FAM227B: variants seen among roughly 807,000 people sequenced by gnomAD.
FAM227B encodes the protein family with sequence similarity 227 member B.
Under a neutral mutation model 73.8 loss-of-function variants are expected in FAM227B, and 88 were observed. The observed-to-expected ratio is 1.19, with a 90% confidence interval of 1.00 to 1.42. The LOEUF is 1.42. Among genes scored for constraint, FAM227B ranks in the 40% most tolerant of loss-of-function variants. The probability of loss-of-function intolerance (pLI) is 0.00; values close to 1 mark genes in which losing one functional copy is unlikely to be tolerated. For missense variants in FAM227B, 632 were observed against 590.9 expected, an observed-to-expected ratio of 1.07 and a Z score of -0.72; for synonymous variants, 210 against 190.5, an observed-to-expected ratio of 1.10 and a Z score of -0.84.
At chr15:49,598,524 T>C (rs2077011345) in intron 3 of FAM227B, among the ~76,000 whole-genome samples, 1 of 152,022 alleles carries the variant, frequency 6.6e-6, no homozygotes, top group Admixed American at 6.6e-5. Context: ...TTGTGTTGTT[T>C]CTGTTCTTAG....
intron 11 of FAM227B, among the ~76,000 whole-genome samples, chr15:49,401,197 A>C (rs1174176057): frequency 6.6e-6 from 1 of 152,270 alleles, no homozygotes; most frequent in African/African-American, 2.4e-5. Context: ...GAAGGACATG[A>C]ACAGACACTT....
At chr15:49,565,600 T>A (rs1479159777) in intron 9 of FAM227B, among the ~76,000 whole-genome samples, 1 of 152,134 alleles carries the variant, frequency 6.6e-6, no homozygotes, top group Non-Finnish European at 1.5e-5. Context: ...CTTTGTAAAA[T>A]TTTAGAATTA....
chr15:49,520,649 GC>G (rs1418119807), intron 10 of FAM227B, among the ~76,000 whole-genome samples: 2 of 152,148 alleles, frequency 1.3e-5, no homozygotes, highest in African/African-American at 2.4e-5. Context: ...GCATGTGCAG[GC>G]GGAGCTGCCC....
intron 5 of FAM227B, among the ~76,000 whole-genome samples, chr15:49,587,203 C>T (rs2076219219): frequency 6.6e-6 from 1 of 152,092 alleles, no homozygotes; most frequent in African/African-American, 2.4e-5. Context: ...AGCTGGAGGC[C>T]ATTATCCTTA....
At chr15:49,616,444 G>A (rs2078292811) in intron 1 of FAM227B, among the ~76,000 whole-genome samples, 1 of 152,120 alleles carries the variant, frequency 6.6e-6, no homozygotes, top group Non-Finnish European at 1.5e-5. Context: ...AGGAGAAAGA[G>A]TGATTTTTTT....
chr15:49,365,874 C>T, intron 13 of FAM227B: 1 of 933,386 alleles, frequency 1.1e-6, no homozygotes, highest in East Asian at 2.4e-5. Context: ...CATATGGCAT[C>T]TTATGAATTA....
At chr15:49,355,539 A>T in intron 13 of FAM227B, among the ~76,000 whole-genome samples, 1 of 152,162 alleles carries the variant, frequency 6.6e-6, no homozygotes, top group Non-Finnish European at 1.5e-5. Context: ...AAGTTTAGAG[A>T]AAAAAGAATA....
At chr15:49,355,531 G>A (rs997936392) in intron 13 of FAM227B, among the ~76,000 whole-genome samples, 2 of 152,216 alleles carry the variant, frequency 1.3e-5, no homozygotes, top group South Asian at 2.1e-4. Flanking sequence ...AAGAAGGGAA[G>A]TTTAGAGAAA....
chr15:49,614,515 C>T (rs1244987829), intron 2 of FAM227B, among the ~76,000 whole-genome samples: 1 of 152,114 alleles, frequency 6.6e-6, no homozygotes, highest in Non-Finnish European at 1.5e-5. Context: ...AAGTTGTAAA[C>T]CCATGAAGCT....
intron 11 of FAM227B, among the ~76,000 whole-genome samples, chr15:49,472,770 C>T (rs573373157): frequency 1.3e-5 from 2 of 152,076 alleles, no homozygotes; most frequent in Admixed American, 6.5e-5. Flanking sequence ...AGAATCAAAA[C>T]GTGTAACTTC....
At chr15:49,542,205 T>C (rs2071166690) in intron 9 of FAM227B, among the ~76,000 whole-genome samples, 1 of 152,238 alleles carries the variant, frequency 6.6e-6, no homozygotes, top group Non-Finnish European at 1.5e-5. Context: ...TAAGAAGGTT[T>C]TGTGAACAGA....
At chr15:49,460,901 T>C (rs1278553690) in intron 11 of FAM227B, among the ~76,000 whole-genome samples, 1 of 152,220 alleles carries the variant, frequency 6.6e-6, no homozygotes, top group Non-Finnish European at 1.5e-5. Flanking sequence ...GGTTTGTTTT[T>C]AATTTTTCTT....
chr15:49,563,440 C>G (rs951893841), intron 9 of FAM227B, among the ~76,000 whole-genome samples: 5 of 152,086 alleles, frequency 3.3e-5, no homozygotes, highest in Admixed American at 2.6e-4. Context: ...AAATTTAATG[C>G]TATTCCTATC....
chr15:49,471,765 C>A (rs1179922920), intron 11 of FAM227B, among the ~76,000 whole-genome samples: 1 of 151,926 alleles, frequency 6.6e-6, no homozygotes, highest in Non-Finnish European at 1.5e-5. Context: ...GGCTAGGAAG[C>A]AGCTGAACAC....
At chr15:49,394,433 T>C (rs973648327) in intron 11 of FAM227B, among the ~76,000 whole-genome samples, 3 of 151,770 alleles carry the variant, frequency 2.0e-5, no homozygotes, top group African/African-American at 4.8e-5. Flanking sequence ...TGCTGGAGAG[T>C]TGAAGAGAAA....
At chr15:49,476,917 G>A (rs1410368516) in intron 11 of FAM227B, among the ~76,000 whole-genome samples, 14 of 151,874 alleles carry the variant, frequency 9.2e-5, no homozygotes, top group East Asian at 1.9e-4. Context: ...AAAATTAGCC[G>A]GGCGTGGTGG....
intron 10 of FAM227B, among the ~76,000 whole-genome samples, chr15:49,531,990 T>C (rs1239003266): frequency 2.0e-5 from 3 of 150,872 alleles, no homozygotes; most frequent in Admixed American, 6.7e-5. Flanking sequence ...GGTTACTATA[T>C]AGCTATTTAA....
At chr15:49,438,561 C>T (rs772159765) in intron 11 of FAM227B, among the ~76,000 whole-genome samples, 1 of 151,596 alleles carries the variant, frequency 6.6e-6, no homozygotes, top group Non-Finnish European at 1.5e-5. Context: ...AATATTAATA[C>T]ACATTATATA....
intron 5 of FAM227B, among the ~76,000 whole-genome samples, chr15:49,578,674 T>C (rs2075622959): frequency 6.6e-6 from 1 of 152,158 alleles, no homozygotes; most frequent in African/African-American, 2.4e-5. Flanking sequence ...GAGGATCATA[T>C]TATTCTCACT....
Sources: allele counts gnomAD v4.1 joint callset (sites outside exome capture counted in the v4.1 genomes callset), GRCh38; gene constraint gnomAD v4.1.1; transcripts MANE v1.5; gene names NCBI Gene and HGNC (gene_info 2026-07-23, HGNC 2026-07-21).